Variants in CFAP410 observed in about 807,000 individuals in gnomAD.
CFAP410 encodes the protein cilia- and flagella-associated protein 410.
CFAP410 carries 27 observed loss-of-function variants against 25.7 expected under a neutral mutation model. The ratio of observed to expected loss-of-function variants is 1.05; its 90% confidence interval spans 0.77 to 1.45. The LOEUF (loss-of-function observed/expected upper bound fraction) is 1.45. CFAP410 is among the 40% of genes most tolerant of loss of function. CFAP410 has a pLI of 0.00. For synonymous variants in CFAP410, 178 were observed against 158.4 expected (o/e 1.12, Z -0.93); for missense variants, 428 against 354.1 (o/e 1.21, Z -1.67).
intron 4 of CFAP410, 153 bp from the exon 5 acceptor site, chr21:44,332,167 C>G (rs1264653872): frequency 1.7e-6 from 1 of 600,428 alleles, no homozygotes; most frequent in Non-Finnish European, 2.8e-6. Context: ...CCCAGAGTAG[C>G]AGCCGGTTCC....
chr21:44,333,972 C>T (rs2047700755), intron 3 of CFAP410: 1 of 391,706 alleles, frequency 2.6e-6, no homozygotes, highest in Non-Finnish European at 5.2e-6. Context: ...GGCAGCCTGC[C>T]GTCCTGAGCC....
intron 3 of CFAP410, 142 bp from the exon 4 acceptor site, chr21:44,333,404 C>CTG: frequency 1.5e-6 from 1 of 669,732 alleles, no homozygotes; most frequent in Non-Finnish European, 2.6e-6. Flanking sequence ...TGTCACAAGT[C>CTG]ACGTGCAGCA....
At chr21:44,336,374 A>G (rs894804592) in intron 2 of CFAP410, among the ~76,000 whole-genome samples, 1 of 152,198 alleles carries the variant, frequency 6.6e-6, no homozygotes. Flanking sequence ...GGGGACCCCA[A>G]TGTCCCCTAC....
rs775874474 is a variant in CFAP410, at chr21:44,330,804, C to T, written c.642+19G>A. On this transcript the variant is annotated intron_variant, in intron 6 of 6. Transcript: ENST00000339818. ...CAGTGGGCAGAGGCAGCCGCGGCCC[C>T]TAGCGGCCCGCCACTCACCCTGCCC... The T allele has an allele frequency of 1.9e-6, 3 of 1,576,660 alleles. No homozygotes were observed. Among genetic ancestry groups the T allele is most frequent in the Non-Finnish European group, 1.7e-6 (2 of 1,161,978 alleles).
Position 44,335,445 on chromosome 21 carries a change from C to T in CFAP410, c.143+313G>A, listed in dbSNP as rs530304779. The stretch of plus-strand genomic sequence containing the variant: ...TGAATCCTTAGGAGGGCTCCACCAC[C>T]GACTGGCCCAGTGAACACAGCAATG... On this transcript the variant is annotated intron_variant, in intron 3 of 6. Transcript: ENST00000339818. 5.9e-5 allele frequency: 24 copies of T among 403,462 alleles called. No homozygotes were observed. The South Asian group carries it at 7.4e-4, about 12-fold the overall frequency. The allele number at this position is 403,462 out of a possible 1,614,324, so 25.0% of individuals were successfully genotyped here.
At chr21:44,331,551 C>T (rs1467530592) in intron 5 of CFAP410, 4 of 433,188 alleles carry the variant, frequency 9.2e-6, no homozygotes, top group African/African-American at 2.1e-5. Flanking sequence ...CTGCACCTCA[C>T]GAGCTCTGGT....
chr21:44,334,146 C>T (rs1271199015), intron 3 of CFAP410: 6 of 456,204 alleles, frequency 1.3e-5, no homozygotes, highest in Admixed American at 1.2e-4. Context: ...CGACCGCGTC[C>T]GCGGCCTCGA....
intron 3 of CFAP410, chr21:44,333,711 G>C (rs1158816121): frequency 3.4e-6 from 1 of 292,162 alleles, no homozygotes; most frequent in Non-Finnish European, 6.6e-6. Flanking sequence ...ACCCCCACTT[G>C]AGGGCGGCAA....
chr21:44,339,085 C>T (rs2047817719), intron 1 of CFAP410, 33 bp downstream of exon 1: 1 of 1,285,166 alleles, frequency 7.8e-7, no homozygotes, highest in South Asian at 1.6e-5. Flanking sequence ...CCTCCCCCCA[C>T]CCCGGGGCGG....
chr21:44,330,799 G>C (rs776518429), intron 6 of CFAP410, 24 bp downstream of exon 6: 1 of 1,570,822 alleles, frequency 6.4e-7, no homozygotes, highest in Non-Finnish European at 8.6e-7. Context: ...AGGCAGCCGC[G>C]GCCCCTAGCG....
chr21:44,336,651 G>A (rs1022294405), intron 2 of CFAP410, among the ~76,000 whole-genome samples: 6 of 152,164 alleles, frequency 3.9e-5, no homozygotes, highest in Admixed American at 6.5e-5. Context: ...GACATGGTAC[G>A]TTTGTATATT....
chr21:44,336,103 C>T (rs2047750824), intron 2 of CFAP410, among the ~76,000 whole-genome samples: 1 of 143,072 alleles, frequency 7.0e-6, no homozygotes, highest in Non-Finnish European at 1.5e-5. Flanking sequence ...CCAGTGTGCC[C>T]AGGGTGAATG....
rs1568982852 is a variant in CFAP410, at chr21:44,330,048, A to G, written c.*150T>C. On this transcript the variant is annotated 3_prime_UTR_variant, in exon 7 of 7. Transcript: ENST00000339818. ...CCGCCCCGGTTAGCCAGTACCTAAC[A>G]CCCACTCCTGCCCTCGGCCGATGTG... The G allele has an allele frequency of 9.4e-6, 8 of 852,732 alleles. No individual in the cohort carries two copies. Among genetic ancestry groups the G allele is most frequent in the Non-Finnish European group, 1.4e-5 (8 of 555,168 alleles). 52.8% of individuals were successfully genotyped at this position (852,732 alleles called of 1,614,324 possible).
At chr21:44,334,372 G>A (rs1024100056) in intron 3 of CFAP410, 3 of 425,702 alleles carry the variant, frequency 7.0e-6, no homozygotes, top group African/African-American at 6.1e-5. Context: ...CTGCCACCGT[G>A]GGAACCACAA....
rs1354466518 is a variant in CFAP410 at position 44,333,250 on chromosome 21, G to A, written c.156C>T (p.Ile52=). ...ACCGGCTCACAGGCTCCAGGGTGGA[G>A]ATGCTGTTGACACTGCACGGAGACC... ...LEVITLSVNS[I]STLEPVSRCQ... Residue 52 remains isoleucine (I), a synonymous_variant, in exon 4 of 7, where the codon ATC becomes ATT. Transcript: ENST00000339818. The A allele has an allele frequency of 6.2e-7, 1 of 1,611,416 alleles. No homozygotes were observed. The highest frequency in any genetic ancestry group is 8.5e-7 in the Non-Finnish European group (1 of 1,179,328).
At chr21:44,336,030 G>T (rs1360906546) in intron 2 of CFAP410, among the ~76,000 whole-genome samples, 1 of 74,702 alleles carries the variant, frequency 1.3e-5, no homozygotes, top group Non-Finnish European at 2.9e-5. Context: ...GAGGGGAGCG[G>T]CCCTGCTCAG....
chr21:44,331,043 CGGG>C (rs2047638949), intron 5 of CFAP410, 124 bp from the exon 6 acceptor site: 2 of 894,292 alleles, frequency 2.2e-6, no homozygotes, highest in East Asian at 5.3e-5. Context: ...ACCTGGCACA[CGGG>C]GGCAAGAGAA....
intron 4 of CFAP410, 115 bp downstream of exon 4, chr21:44,332,918 T>A: frequency 1.4e-6 from 1 of 733,098 alleles, no homozygotes; most frequent in Non-Finnish European, 2.3e-6. Flanking sequence ...ACAGGACACA[T>A]CTATGTCCCG....
intron 5 of CFAP410, chr21:44,331,404 G>A (rs1015050430): frequency 1.7e-5 from 4 of 238,516 alleles, no homozygotes; most frequent in Admixed American, 5.2e-5. Context: ...CCTGGGAGGC[G>A]CCGGCGTCTC....
Sources: gnomAD v4.1 joint callset for allele counts (sites outside exome capture counted in the v4.1 genomes callset) on GRCh38, gnomAD v4.1.1 for gene constraint, MANE v1.5 for transcripts, NCBI Gene and HGNC (gene_info 2026-07-23, HGNC 2026-07-21) for gene names.